Variants in RBFOX1 observed in about 807,000 individuals in gnomAD.
RBFOX1 encodes RNA binding fox-1 homolog 1.
A neutral mutation model predicts 57.7 loss-of-function variants in RBFOX1; 8 were observed. The observed-to-expected ratio is 0.14, with a 90% confidence interval of 0.08 to 0.25. The LOEUF is 0.25. Among genes scored for constraint, RBFOX1 ranks in the 10% least tolerant of loss-of-function variants. The pLI, the probability that RBFOX1 is intolerant of heterozygous loss-of-function variation, is 1.00. For missense variants in RBFOX1, 611 were observed against 548.5 expected (o/e 1.11, Z -1.14); for synonymous variants, 326 against 222.4 (o/e 1.47, Z -4.15).
At chr16:7,470,578 G>T (rs1056810581) in intron 4 of RBFOX1, among the ~76,000 whole-genome samples, 11 of 151,962 alleles carry the variant, frequency 7.2e-5, no homozygotes, top group African/African-American at 2.7e-4. Context: ...GGTGATGGAT[G>T]GATGGATGGA....
At chr16:7,505,673 G>C (rs917395564) in intron 4 of RBFOX1, among the ~76,000 whole-genome samples, 1 of 152,162 alleles carries the variant, frequency 6.6e-6, no homozygotes, top group Admixed American at 6.6e-5. Flanking sequence ...CTCACTGCAA[G>C]TCGACCGCCC....
chr16:7,072,307 T>G (rs956573775), intron 4 of RBFOX1, among the ~76,000 whole-genome samples: 1 of 152,192 alleles, frequency 6.6e-6, no homozygotes, highest in Non-Finnish European at 1.5e-5. Context: ...ATTCATCACT[T>G]TCATTACAGT....
At chr16:5,975,434 G>A (rs930771429) in intron 4 of RBFOX1, among the ~76,000 whole-genome samples, 1 of 152,198 alleles carries the variant, frequency 6.6e-6, no homozygotes, top group Admixed American at 6.5e-5. Flanking sequence ...TCATCTGATA[G>A]GGAAGGGAAA....
intron 2 of RBFOX1, among the ~76,000 whole-genome samples, chr16:6,550,621 C>T (rs2096972911): frequency 6.6e-6 from 1 of 152,222 alleles, no homozygotes; most frequent in African/African-American, 2.4e-5. Flanking sequence ...CCACTGTGCC[C>T]AGCCTTCATG....
intron 3 of RBFOX1, among the ~76,000 whole-genome samples, chr16:6,919,455 T>A (rs558472423): frequency 6.6e-6 from 1 of 152,284 alleles, no homozygotes; most frequent in Admixed American, 6.5e-5. Context: ...AGAGGGTTTT[T>A]TTTTTTAAGT....
At chr16:7,625,542 C>T (rs2059953686) in intron 10 of RBFOX1, among the ~76,000 whole-genome samples, 1 of 152,160 alleles carries the variant, frequency 6.6e-6, no homozygotes, top group South Asian at 2.1e-4. Flanking sequence ...TAAAGTCTAG[C>T]TGTTGTTCTT....
At chr16:5,331,403 T>C (rs2064753035) in intron 1 of RBFOX1, among the ~76,000 whole-genome samples, 1 of 152,248 alleles carries the variant, frequency 6.6e-6, no homozygotes, top group African/African-American at 2.4e-5. Flanking sequence ...TGATCTTGGC[T>C]AGACTCATTC....
intron 2 of RBFOX1, among the ~76,000 whole-genome samples, chr16:6,344,407 C>CTTTTTTTTCTT (rs1555635135): frequency 1.8e-5 from 2 of 109,846 alleles, no homozygotes; most frequent in Admixed American, 1.0e-4. Context: ...TCTTTTTTTT[C>CTTTTTTTTCTT]TTTTTTTTTT....
At position 5,590,076 on chromosome 16, in the gene RBFOX1, CAA is replaced by C. The variant is rs1438028185; in HGVS notation, c.259-8822_259-8821del. Among the ~76,000 whole-genome samples the C allele has an allele frequency of 9.7e-4, 90 of 92,692 alleles. No homozygotes were observed. In the East Asian group the frequency reaches 0.018, roughly 18 times the overall value. 60.8% of individuals were successfully genotyped at this position (92,692 alleles called of 152,430 possible). On this transcript the variant is annotated intron_variant, in intron 2 of 2. Coordinates refer to the RBFOX1 transcript ENST00000585867. ...ACACACACACACACACACACACACA[CAA>C]AAAGGGCAGCAGGTGTTATTTGGGC...
In RBFOX1 at chr16:5,372,206, C is replaced by G. The variant is rs866152282; in HGVS notation, c.220-95010C>G. On this transcript the variant is annotated intron_variant, in intron 1 of 2. Transcript: ENST00000585867. ...TTAGGCGGGAGGCAGCCAAGGCCAG[C>G]TGGGATGTTGTTCTGTCTCGGAAGG... is the stretch of plus-strand genomic sequence containing the variant. Among the ~76,000 whole-genome samples, 55 of 152,168 alleles carry G rather than the reference C, an allele frequency of 3.6e-4. 1 individual carries two copies. The highest frequency in any genetic ancestry group is 1.2e-3 in the African/African-American group (51 of 41,456).
At chr16:5,615,404 G>A (rs1427503164) in intron 3 of RBFOX1, among the ~76,000 whole-genome samples, 4 of 152,168 alleles carry the variant, frequency 2.6e-5, no homozygotes, top group African/African-American at 7.2e-5. Context: ...CTAGAGCTTC[G>A]AAGAGTGAGT....
chr16:6,559,760 A>G (rs2097155263), intron 2 of RBFOX1, among the ~76,000 whole-genome samples: 2 of 152,100 alleles, frequency 1.3e-5, no homozygotes, highest in Admixed American at 6.6e-5. Flanking sequence ...CATATATTGA[A>G]CACCTACTAT....
intron 1 of RBFOX1, among the ~76,000 whole-genome samples, chr16:6,070,302 G>A (rs2095820404): frequency 6.6e-6 from 1 of 152,186 alleles, no homozygotes; most frequent in South Asian, 2.1e-4. Flanking sequence ...CGTCATGGGA[G>A]TTAATAATTA....
At position 5,940,775 on chromosome 16, in the gene RBFOX1, C is replaced by T. The variant is rs543074869; in HGVS notation, c.351+73440C>T. Among the ~76,000 whole-genome samples the T allele has an allele frequency of 1.2e-3, 183 of 152,226 alleles. 1 individual carries two copies. Among genetic ancestry groups the T allele is most frequent in the African/African-American group, 4.1e-3 (171 of 41,544 alleles). ...AATAAATTCTTTGCTGAGGCCACAG[C>T]CGGCTAGTCTGGCACATATGGGACT... On this transcript the variant is annotated intron_variant, in intron 4 of 19. Transcript: ENST00000641259.
chr16:5,703,861 T>C (rs912287911), intron 3 of RBFOX1, among the ~76,000 whole-genome samples: 8 of 152,226 alleles, frequency 5.3e-5, no homozygotes, highest in African/African-American at 1.9e-4. Flanking sequence ...TTATAGATGA[T>C]ATGCAGTGTA....
chr16:7,366,815 A>C (rs966387861), intron 4 of RBFOX1, among the ~76,000 whole-genome samples: 4 of 152,186 alleles, frequency 2.6e-5, no homozygotes, highest in Non-Finnish European at 5.9e-5. Context: ...GTGAAAGTAC[A>C]TTAGGAGACA....
chr16:5,854,394 A>T lies in RBFOX1; in HGVS notation c.319-12909A>T, dbSNP rs566415841. ...TCTAGTCTCCGCTTTTGTGAGTTAA[A>T]CTCTTTTAGATCTCATGTATTAGTG... On this transcript the variant is annotated intron_variant, in intron 3 of 19. Coordinates refer to the RBFOX1 transcript ENST00000641259. 8.0e-4 allele frequency among the ~76,000 whole-genome samples: 121 copies of T among 151,874 alleles called. 2 individuals carry two copies. Among genetic ancestry groups the T allele is most frequent in the African/African-American group, 2.9e-3 (118 of 41,394 alleles).
intron 3 of RBFOX1, among the ~76,000 whole-genome samples, chr16:6,882,497 G>C (rs2063154133): frequency 6.6e-6 from 1 of 152,088 alleles, no homozygotes; most frequent in Non-Finnish European, 1.5e-5. Context: ...CGGAGGGTGA[G>C]GCAGGAGAAT....
At chr16:5,448,341 C>T (rs189196909) in intron 1 of RBFOX1, among the ~76,000 whole-genome samples, 10 of 152,250 alleles carry the variant, frequency 6.6e-5, no homozygotes, top group Non-Finnish European at 1.2e-4. Context: ...GAAACACCGT[C>T]TGTGTTCCAG....
Sources: gnomAD v4.1 joint callset for allele counts (sites outside exome capture counted in the v4.1 genomes callset) on GRCh38, gnomAD v4.1.1 for gene constraint, MANE v1.5 for transcripts, NCBI Gene and HGNC (gene_info 2026-07-23, HGNC 2026-07-21) for gene names.